ADAMTSL1: variants seen among roughly 807,000 people sequenced by gnomAD.
ADAMTSL1 encodes ADAMTS-like protein 1.
A neutral mutation model predicts 201.8 loss-of-function variants in ADAMTSL1; 126 were observed. The ratio of observed to expected loss-of-function variants is 0.62; its 90% CI spans 0.54 to 0.72. The LOEUF is 0.72. Among genes scored for constraint, ADAMTSL1 ranks in the 30% least tolerant of loss-of-function variants. The pLI, the probability that ADAMTSL1 is intolerant of heterozygous loss-of-function variation, is 0.00. For synonymous variants in ADAMTSL1, 1,121 were observed against 903.4 expected (o/e 1.24, Z -4.32); for missense variants, 2,679 against 2,277.8 (o/e 1.18, Z -3.59).
chr9:18,840,217 G>C (rs866162137), intron 23 of ADAMTSL1, among the ~76,000 whole-genome samples: 1 of 151,848 alleles, frequency 6.6e-6, no homozygotes, highest in South Asian at 2.1e-4. Context: ...TTTGTATAAG[G>C]TGTAAGGAAG....
Position 18,622,537 on chromosome 9 carries a change from A to G in ADAMTSL1, c.601+168A>G, listed in dbSNP as rs980978357. The G allele has an allele frequency of 7.9e-6, 8 of 1,011,920 alleles. 1 individual carries two copies. The South Asian group carries it at 1.2e-4, about 15-fold the overall frequency. The allele number at this position is 1,011,920 out of a possible 1,614,324, so 62.7% of individuals were successfully genotyped here. The stretch of plus-strand genomic sequence containing the variant: ...GCATGTGAATTAGCTTAGGTGGGAC[A>G]AGTCAGGTTACCAGCTGCAGTCCCA... On this transcript the variant is annotated intron_variant, in intron 5 of 28. Coordinates refer to ENST00000380548, the MANE Select transcript of ADAMTSL1 (RefSeq NM_001040272.6).
intron 2 of ADAMTSL1, among the ~76,000 whole-genome samples, chr9:18,218,094 C>A (rs533177411): frequency 6.6e-6 from 1 of 152,214 alleles, no homozygotes; most frequent in Admixed American, 6.5e-5. Flanking sequence ...CTGACATTTT[C>A]AAAGTGCTTG....
At chr9:18,362,871 A>G (rs2133086496) in intron 2 of ADAMTSL1, among the ~76,000 whole-genome samples, 1 of 152,356 alleles carries the variant, frequency 6.6e-6, no homozygotes, top group Middle Eastern at 3.4e-3. Context: ...ATTGAAAGCA[A>G]CAAACTGTTG....
At chr9:18,180,347 A>C (rs200639605) in intron 2 of ADAMTSL1, among the ~76,000 whole-genome samples, 2 of 151,828 alleles carry the variant, frequency 1.3e-5, no homozygotes, top group South Asian at 4.2e-4. Context: ...TCCCGGCTAA[A>C]ACGGTGAAAC....
intron 1 of ADAMTSL1, among the ~76,000 whole-genome samples, chr9:17,972,815 T>C (rs2131433040): frequency 7.0e-6 from 1 of 142,932 alleles, no homozygotes; most frequent in South Asian, 2.4e-4. Flanking sequence ...CCACATCCTC[T>C]CCAGCACCTG....
chr9:18,147,320 G>C (rs1247955266), intron 1 of ADAMTSL1, among the ~76,000 whole-genome samples: 1 of 152,062 alleles, frequency 6.6e-6, no homozygotes, highest in African/African-American at 2.4e-5. Context: ...GATAGAAATA[G>C]TATAATATTT....
intron 2 of ADAMTSL1, among the ~76,000 whole-genome samples, chr9:18,526,632 T>C (rs1318905281): frequency 6.6e-6 from 1 of 152,224 alleles, no homozygotes; most frequent in Non-Finnish European, 1.5e-5. Flanking sequence ...AGGGCAGGCC[T>C]TGTGGTAACA....
At chr9:18,327,433 A>T (rs1165572389) in intron 2 of ADAMTSL1, among the ~76,000 whole-genome samples, 1 of 152,216 alleles carries the variant, frequency 6.6e-6, no homozygotes, top group Non-Finnish European at 1.5e-5. Context: ...TTTCAACTCA[A>T]AACTGGGTTA....
intron 25 of ADAMTSL1, among the ~76,000 whole-genome samples, chr9:18,890,248 C>T (rs1418279704): frequency 6.6e-6 from 1 of 152,210 alleles, no homozygotes; most frequent in Non-Finnish European, 1.5e-5. Context: ...TTGCGTCTCA[C>T]TAAAGTTGGA....
chr9:18,030,539 C>G (rs1262065314), intron 1 of ADAMTSL1, among the ~76,000 whole-genome samples: 1 of 151,898 alleles, frequency 6.6e-6, no homozygotes, highest in Non-Finnish European at 1.5e-5. Context: ...TACCCTAAAA[C>G]TTAAAGTATA....
At chr9:18,194,955 T>C (rs992066512) in intron 2 of ADAMTSL1, among the ~76,000 whole-genome samples, 1 of 152,012 alleles carries the variant, frequency 6.6e-6, no homozygotes, top group Admixed American at 6.6e-5. Context: ...CTCCAAAAAA[T>C]GGCATTGCTA....
At chr9:17,909,398 T>G (rs1216536140) in intron 1 of ADAMTSL1, among the ~76,000 whole-genome samples, 3 of 145,566 alleles carry the variant, frequency 2.1e-5, no homozygotes, top group Non-Finnish European at 4.6e-5. Flanking sequence ...TCCTTGCCCA[T>G]GCCTATGTCC....
At chr9:18,404,447 A>T (rs1818106419) in intron 2 of ADAMTSL1, among the ~76,000 whole-genome samples, 1 of 152,138 alleles carries the variant, frequency 6.6e-6, no homozygotes, top group Non-Finnish European at 1.5e-5. Context: ...ACTGCTTTGA[A>T]CCCATGGGGA....
In ADAMTSL1 at chr9:18,718,017, C is replaced by T. The variant is rs1481870780; in HGVS notation, c.1877-3519C>T. 7.5e-6 allele frequency: 12 copies of T among 1,594,756 alleles called. No homozygotes were observed. The Admixed American group carries it at 1.0e-4, about 13-fold the overall frequency. On this transcript the variant is annotated intron_variant, in intron 14 of 28. Coordinates refer to ENST00000380548, the MANE Select transcript of ADAMTSL1 (RefSeq NM_001040272.6). ...GACTTTTTGCGAGCCTTCCCAGGCA[C>T]TGGAGTTTTTCTGTTAATCTGCCGC... is the stretch of plus-strand genomic sequence containing the variant.
At chr9:18,754,146 C>A (rs1276976183) in intron 16 of ADAMTSL1, among the ~76,000 whole-genome samples, 2 of 152,160 alleles carry the variant, frequency 1.3e-5, no homozygotes, top group African/African-American at 4.8e-5. Flanking sequence ...TCTATGGCTG[C>A]TTTTGCACTA....
chr9:18,680,495 G>T lies in ADAMTSL1; in HGVS notation c.1320G>T (p.Trp440Cys). Residue 440 changes from tryptophan (W) to cysteine (C), a missense_variant, in exon 11 of 29, where the codon TGG becomes TGT. Transcript: ENST00000380548. ...GCAACATTTTTGACTGCCCTAAATG[G>T]CTGGCACAGGAGTGGTCTCCGGTAA... ...QPCNIFDCPKWLAQEWSPCTV... is the reference protein window; with the variant it reads ...QPCNIFDCPKCLAQEWSPCTV... The T allele has an allele frequency of 6.2e-7, 1 of 1,614,104 alleles. No individual in the cohort carries two copies.
intron 11 of ADAMTSL1, 59 bp from the exon 12 acceptor site, chr9:18,681,753 G>C: frequency 7.4e-7 from 1 of 1,358,314 alleles, no homozygotes; most frequent in Non-Finnish European, 9.8e-7. Context: ...GATGGGAAGT[G>C]AAGAAAAGTA....
At chr9:18,008,782 G>T (rs1787511017) in intron 1 of ADAMTSL1, among the ~76,000 whole-genome samples, 1 of 151,780 alleles carries the variant, frequency 6.6e-6, no homozygotes, top group Admixed American at 6.6e-5. Context: ...ACCTACAAGG[G>T]GACCAGAATG....
chr9:18,178,807 G>C (rs923733100), intron 2 of ADAMTSL1, among the ~76,000 whole-genome samples: 9 of 152,238 alleles, frequency 5.9e-5, no homozygotes, highest in East Asian at 1.9e-4. Context: ...CAGAACTGCA[G>C]CTGAGGGTCC....
Sources: allele counts gnomAD v4.1 joint callset (sites outside exome capture counted in the v4.1 genomes callset), GRCh38; gene constraint gnomAD v4.1.1; transcripts MANE v1.5; gene names NCBI Gene and HGNC (gene_info 2026-07-23, HGNC 2026-07-21).